Variants in GDAP2 observed in about 807,000 individuals in gnomAD.
The protein encoded by GDAP2 is ganglioside-induced differentiation-associated protein 2.
GDAP2 carries 51 observed loss-of-function variants against 67.0 expected under a neutral mutation model. That is an observed-to-expected ratio of 0.76 (90% CI 0.61 to 0.96). The LOEUF is 0.96. Ranked by LOEUF, GDAP2 falls within the 40% of genes least tolerant of loss-of-function variation. The pLI is 0.00. For synonymous variants in GDAP2, 203 were observed against 207.3 expected (o/e 0.98, Z 0.18); for missense variants, 547 against 588.3 (o/e 0.93, Z 0.73).
chr1:117,875,457 G>A (rs909466982), intron 13 of GDAP2, among the ~76,000 whole-genome samples: 4 of 152,238 alleles, frequency 2.6e-5, no homozygotes, highest in Non-Finnish European at 2.9e-5. Flanking sequence ...ACATCAGAAA[G>A]CCTGGGTTCC....
At chr1:117,873,158 AT>A (rs1219398695) in intron 13 of GDAP2, among the ~76,000 whole-genome samples, 1 of 152,130 alleles carries the variant, frequency 6.6e-6, no homozygotes, top group African/African-American at 2.4e-5. Context: ...GCAATCAAAT[AT>A]TTTTTCTATT....
rs564418984 is a variant in GDAP2, at chr1:117,912,491, T to C, written c.470+39A>G. The C allele has an allele frequency of 7.1e-6, 11 of 1,550,340 alleles. No homozygotes were observed. The African/African-American group carries it at 1.2e-4, about 17-fold the overall frequency. On this transcript the variant is annotated intron_variant, in intron 4 of 13. Coordinates refer to ENST00000369443, the MANE Select transcript of GDAP2 (RefSeq NM_017686.4). ...CTTTAAAAACTGGGGCCTTTAACAA[T>C]GTATGATATGCTATGTCCAGAAAAT... is the stretch of plus-strand genomic sequence containing the variant.
chr1:117,906,602 G>A lies in GDAP2; in HGVS notation c.560-20C>T. Reference sequence around the variant, plus strand: ...CAGTGCCTAAGGAAAAGAATAGAAAGATTACTCAATAAATAAAAAATTACT... The same window carrying A: ...CAGTGCCTAAGGAAAAGAATAGAAAAATTACTCAATAAATAAAAAATTACT... On this transcript the variant is annotated intron_variant, in intron 5 of 13. Coordinates refer to ENST00000369443, the MANE Select transcript of GDAP2 (RefSeq NM_017686.4). 7.9e-7 allele frequency: 1 copy of A among 1,263,870 alleles called. No individual in the cohort carries two copies. The highest frequency in any genetic ancestry group is 1.1e-6 in the Non-Finnish European group (1 of 885,744). The allele number at this position is 1,263,870 out of a possible 1,614,324, so 78.3% of individuals were successfully genotyped here.
Position 117,899,054 on chromosome 1 carries a change from C to T in GDAP2, c.796+3G>A. 6.2e-7 allele frequency: 1 copy of T among 1,610,920 alleles called. No homozygotes were observed. The stretch of plus-strand genomic sequence containing the variant: ...TTTAAAAAGTTAGAGCTCTAGAACT[C>T]ACCTTCTGGAGCACCAGGTTTCTCA... On this transcript the variant is annotated splice_donor_region_variant and intron_variant, in intron 7 of 13. Coordinates refer to ENST00000369443, the MANE Select transcript of GDAP2 (RefSeq NM_017686.4).
At chr1:117,900,507 C>T (rs1174960107) in intron 6 of GDAP2, among the ~76,000 whole-genome samples, 2 of 152,142 alleles carry the variant, frequency 1.3e-5, no homozygotes, top group Non-Finnish European at 2.9e-5. Context: ...GTGGCTCATG[C>T]CTGTAATCAC....
Position 117,900,412 on chromosome 1 carries a change from C to T in GDAP2, c.637-1196G>A, listed in dbSNP as rs1020262980. Among the ~76,000 whole-genome samples the T allele has an allele frequency of 1.3e-5, 2 of 152,298 alleles. 1 individual carries two copies. The highest frequency in any genetic ancestry group is 4.1e-4 in the South Asian group (2 of 4,826). On this transcript the variant is annotated intron_variant, in intron 6 of 13. Transcript: ENST00000369443. ...TCATTCACCATTCCTCCCTCTCCCA[C>T]ACCTGGCAATTACTAATCTTTCTGT...
rs1326652574 is a variant in GDAP2 at position 117,891,516 on chromosome 1, G to GGTC, written c.954-3743_954-3742insGAC. ...CATTTCTCTGGTCAGTAATGAGGTT[G>GGTC]AGATTCTGCTCATGTTGACTTGATT... On this transcript the variant is annotated intron_variant, in intron 8 of 13. Coordinates refer to ENST00000369443, the MANE Select transcript of GDAP2 (RefSeq NM_017686.4). Among the ~76,000 whole-genome samples, 3 of 152,190 alleles carry GGTC rather than the reference G, an allele frequency of 2.0e-5. No individual in the cohort carries two copies. In the East Asian group the frequency reaches 5.8e-4, roughly 29 times the overall value.
At chr1:117,885,887 T>G (rs2101126096) in intron 10 of GDAP2, among the ~76,000 whole-genome samples, 1 of 152,322 alleles carries the variant, frequency 6.6e-6, no homozygotes, top group South Asian at 2.1e-4. Flanking sequence ...GTCCCTTGTA[T>G]GAGTATTCTG....
chr1:117,870,238 C>G lies in GDAP2; in HGVS notation c.*331G>C, dbSNP rs74113072. 0.013 allele frequency: 4,165 copies of G among 324,308 alleles called. 157 individuals carry two copies. Among genetic ancestry groups the G allele is most frequent in the African/African-American group, 0.081 (3,698 of 45,500 alleles). The allele number at this position is 324,308 out of a possible 1,614,324, so 20.1% of individuals were successfully genotyped here. A position where few individuals can be genotyped will look rare whatever the true frequency, so the allele number is the denominator to read the frequency against. On this transcript the variant is annotated 3_prime_UTR_variant, in exon 14 of 14. Coordinates refer to ENST00000369443, the MANE Select transcript of GDAP2 (RefSeq NM_017686.4). ...TGCAATGTTAGAGAGATGATGTGAA[C>G]AGTCTTGGTGGTTTATCTAATGGAG... is the stretch of plus-strand genomic sequence containing the variant.
At chr1:117,889,058 A>G (rs1394145519) in intron 8 of GDAP2, among the ~76,000 whole-genome samples, 2 of 152,182 alleles carry the variant, frequency 1.3e-5, no homozygotes, top group Admixed American at 1.3e-4. Flanking sequence ...CAAAGACAGT[A>G]GCTTTTAATT....
intron 1 of GDAP2, among the ~76,000 whole-genome samples, chr1:117,925,003 A>G (rs1234145883): frequency 6.6e-6 from 1 of 152,182 alleles, no homozygotes; most frequent in Non-Finnish European, 1.5e-5. Flanking sequence ...TCATTGTCAT[A>G]AAAAAGCTCT....
intron 6 of GDAP2, among the ~76,000 whole-genome samples, chr1:117,904,184 T>C (rs1242507473): frequency 1.3e-5 from 2 of 152,100 alleles, no homozygotes; most frequent in African/African-American, 4.8e-5. Context: ...AGATGGGGTT[T>C]CGCCATGTTG....
intron 13 of GDAP2, among the ~76,000 whole-genome samples, chr1:117,875,260 C>T (rs1648416283): frequency 6.6e-6 from 1 of 152,208 alleles, no homozygotes; most frequent in Non-Finnish European, 1.5e-5. Context: ...CTTCAGGATG[C>T]TGCTCTCTGC....
At chr1:117,916,465 CTAAA>C (rs1650048428) in intron 3 of GDAP2, among the ~76,000 whole-genome samples, 1 of 152,220 alleles carries the variant, frequency 6.6e-6, no homozygotes, top group Non-Finnish European at 1.5e-5. Context: ...TGAGAGGCCA[CTAAA>C]TAGTTTGAAG....
In GDAP2 at chr1:117,877,968, TA is replaced by T. The variant is rs530924154; in HGVS notation, c.1446+40del. 9.9e-4 allele frequency: 1,589 copies of T among 1,610,932 alleles called. 1 individual carries two copies. Among genetic ancestry groups the T allele is most frequent in the Non-Finnish European group, 1.1e-3 (1,342 of 1,177,862 alleles). On this transcript the variant is annotated intron_variant, in intron 13 of 13. Coordinates refer to ENST00000369443, the MANE Select transcript of GDAP2 (RefSeq NM_017686.4). ...AAGTGCTGCTCTATAGAACAGTTAA[TA>T]TACCATACCAGGTGAGGGAGAACTT...
At position 117,899,192 on chromosome 1, in the gene GDAP2, G is replaced by C; in HGVS notation, c.661C>G (p.Leu221Val). ...TCTTTTAATGACCTTGGGAAGTAGAGAGGTAGCAGCTTTTGGTAAGTACCC... is the reference window on the plus strand; with the variant it reads ...TCTTTTAATGACCTTGGGAAGTAGACAGGTAGCAGCTTTTGGTAAGTACCC... ...EEGTYQKLLPLYFPRSLKEEN... is the reference protein window; with the variant it reads ...EEGTYQKLLPVYFPRSLKEEN... The change falls in exon 7 of 14, where the codon CTC becomes GTC. Residue 221 changes from leucine (L) to valine (V), a missense_variant. Leu to Val is a conservative substitution (Grantham distance 32). Coordinates refer to ENST00000369443, the MANE Select transcript of GDAP2 (RefSeq NM_017686.4). 1 of 1,612,310 alleles carries C rather than the reference G, an allele frequency of 6.2e-7. No individual in the cohort carries two copies. The highest frequency in any genetic ancestry group is 8.5e-7 in the Non-Finnish European group (1 of 1,178,364).
chr1:117,879,168 A>G (rs967879813), intron 12 of GDAP2, among the ~76,000 whole-genome samples: 3 of 152,192 alleles, frequency 2.0e-5, no homozygotes, highest in African/African-American at 7.2e-5. Flanking sequence ...ATGTAGAGGC[A>G]GTGGGAATAA....
In GDAP2 at chr1:117,900,492, G is replaced by T. The variant is rs116312984; in HGVS notation, c.637-1276C>A. On this transcript the variant is annotated intron_variant, in intron 6 of 13. Coordinates refer to ENST00000369443, the MANE Select transcript of GDAP2 (RefSeq NM_017686.4). ...TCATAAAAATGGAATACAGGGCCAG[G>T]CACAGTGGCTCATGCCTGTAATCAC... 5.8e-3 allele frequency among the ~76,000 whole-genome samples: 876 copies of T among 152,278 alleles called. 13 individuals are homozygous for T. The highest frequency in any genetic ancestry group is 0.02 in the African/African-American group (812 of 41,548).
chr1:117,920,152 C>A (rs765529400), intron 2 of GDAP2, 30 bp downstream of exon 2: 1 of 1,302,204 alleles, frequency 7.7e-7, no homozygotes, highest in Admixed American at 1.8e-5. Flanking sequence ...AGTGTTATCT[C>A]CTCATGATAT....
Sources: gnomAD v4.1 joint callset for allele counts (sites outside exome capture counted in the v4.1 genomes callset) on GRCh38, gnomAD v4.1.1 for gene constraint, MANE v1.5 for transcripts, NCBI Gene and HGNC (gene_info 2026-07-23, HGNC 2026-07-21) for gene names.